Variants in GSAP observed in about 807,000 individuals in gnomAD.
GSAP encodes gamma-secretase-activating protein.
GSAP carries 118 observed loss-of-function variants against 131.7 expected under a neutral mutation model. The observed-to-expected ratio is 0.90, with a 90% CI of 0.77 to 1.04. The LOEUF (loss-of-function observed/expected upper bound fraction) is 1.04, where lower values mean the gene tolerates loss of function less well. Among genes scored for constraint, GSAP ranks in the 50% least tolerant of loss-of-function variants. GSAP has a pLI of 0.00. For synonymous variants in GSAP, 381 were observed against 363.4 expected (o/e 1.05, Z -0.55); for missense variants, 1,019 against 1,013.2 (o/e 1.01, Z -0.08).
At chr7:77,413,627 G>A (rs979572844) in intron 1 of GSAP, among the ~76,000 whole-genome samples, 13 of 152,234 alleles carry the variant, frequency 8.5e-5, no homozygotes, top group African/African-American at 3.1e-4. Flanking sequence ...CATACAGTAT[G>A]TTTAAAGTTC....
chr7:77,387,604 C>A (rs1798768998), intron 5 of GSAP, among the ~76,000 whole-genome samples, 156 bp from the exon 6 acceptor site: 1 of 152,146 alleles, frequency 6.6e-6, no homozygotes, highest in African/African-American at 2.4e-5. Flanking sequence ...TGTGAGGAGA[C>A]TGAAACTGTA....
chr7:77,388,144 GAC>G (rs1798858852), intron 5 of GSAP, among the ~76,000 whole-genome samples: 1 of 152,182 alleles, frequency 6.6e-6, no homozygotes, highest in Admixed American at 6.5e-5. Context: ...ATTCAACAGA[GAC>G]ACAGAAAAGA....
intron 17 of GSAP, 48 bp downstream of exon 17, chr7:77,353,524 C>CA: frequency 7.8e-7 from 1 of 1,277,376 alleles, no homozygotes; most frequent in Non-Finnish European, 1.1e-6. Flanking sequence ...TTCCCTCAAG[C>CA]AAAAAGGTCA....
At chr7:77,350,279 G>C (rs1186582745) in intron 18 of GSAP, among the ~76,000 whole-genome samples, 4 of 81,344 alleles carry the variant, frequency 4.9e-5, no homozygotes, top group Admixed American at 1.5e-4. Flanking sequence ...GTTGTGGGGT[G>C]GGGGGAGGGG....
rs995311283 is a variant in GSAP, at chr7:77,355,197, T to C, written c.1338+16A>G. The C allele has an allele frequency of 4.6e-6, 7 of 1,536,088 alleles. 1 individual carries two copies. Among genetic ancestry groups the C allele is most frequent in the Middle Eastern group, 1.7e-4 (1 of 5,898 alleles). ...TCGTCTATCTGCCCATTTTAAAACA[T>C]GAGCTATCTTCTCACCTGGGCTTCC... On this transcript the variant is annotated intron_variant, in intron 16 of 30. Transcript: ENST00000257626.
intron 26 of GSAP, among the ~76,000 whole-genome samples, chr7:77,317,870 T>C (rs1269048811): frequency 1.3e-5 from 2 of 152,252 alleles, no homozygotes; most frequent in Non-Finnish European, 2.9e-5. Context: ...TTCTAGGGTG[T>C]ACCTCATAAC....
At chr7:77,403,834 A>G (rs1801793823) in intron 3 of GSAP, among the ~76,000 whole-genome samples, 1 of 152,230 alleles carries the variant, frequency 6.6e-6, no homozygotes, top group African/African-American at 2.4e-5. Flanking sequence ...TTTGTTTAGG[A>G]TAACAGGACC....
intron 19 of GSAP, among the ~76,000 whole-genome samples, chr7:77,346,537 CAA>C (rs200707510): frequency 2.0e-4 from 22 of 107,738 alleles, no homozygotes; most frequent in Admixed American, 2.8e-4. Flanking sequence ...CTGTCTCTAC[CAA>C]AAAAAAAAAA....
intron 14 of GSAP, among the ~76,000 whole-genome samples, chr7:77,356,527 A>G (rs1463665116): frequency 6.6e-6 from 1 of 152,196 alleles, no homozygotes; most frequent in African/African-American, 2.4e-5. Flanking sequence ...CATCAGAATA[A>G]TCTCTGCAGA....
chr7:77,354,434 G>A (rs1434789300), intron 16 of GSAP, among the ~76,000 whole-genome samples: 2 of 152,080 alleles, frequency 1.3e-5, no homozygotes, highest in Non-Finnish European at 2.9e-5. Context: ...AACTAAAAAA[G>A]ATTGGGTAAA....
chr7:77,320,640 C>A, intron 26 of GSAP, 85 bp downstream of exon 26: 1 of 808,778 alleles, frequency 1.2e-6, no homozygotes, highest in Non-Finnish European at 2.1e-6. Context: ...GTCTCATCAT[C>A]AAACTTATAA....
intron 12 of GSAP, 50 bp downstream of exon 12, chr7:77,374,020 C>T: frequency 9.8e-7 from 1 of 1,017,320 alleles, no homozygotes; most frequent in South Asian, 1.3e-5. Context: ...TAAATTTTGT[C>T]TAGAACTCAA....
intron 26 of GSAP, chr7:77,316,228 G>T (rs1412557429): frequency 6.6e-6 from 1 of 152,204 alleles, no homozygotes; most frequent in African/African-American, 2.4e-5. Context: ...GAGAGGCATG[G>T]TAACATGTAC....
At chr7:77,373,219 C>T (rs1479796876) in intron 12 of GSAP, among the ~76,000 whole-genome samples, 1 of 152,096 alleles carries the variant, frequency 6.6e-6, no homozygotes, top group African/African-American at 2.4e-5. Flanking sequence ...ACTAAGTGTG[C>T]ACTTATGTAA....
chr7:77,354,764 G>C (rs949774257), intron 16 of GSAP, among the ~76,000 whole-genome samples: 18 of 150,756 alleles, frequency 1.2e-4, no homozygotes, highest in African/African-American at 3.9e-4. Context: ...CAGGATAGCT[G>C]TAAAATAACA....
chr7:77,313,700 C>CT (rs1794666773), intron 27 of GSAP, 151 bp from the exon 28 acceptor site: 2 of 495,908 alleles, frequency 4.0e-6, no homozygotes, highest in African/African-American at 3.9e-5. Context: ...AAATTTTACT[C>CT]TGACTCTCTG....
rs573549528 is a variant in GSAP, at chr7:77,366,185, T to A, written c.872-3525A>T. ...AAATATTTTCTCCCAATTCTGTAGGTCGTTTGGTTTACTCTGTTAGTTTCT... is the reference window on the plus strand; with the variant it reads ...AAATATTTTCTCCCAATTCTGTAGGACGTTTGGTTTACTCTGTTAGTTTCT... On this transcript the variant is annotated intron_variant, in intron 12 of 30. Transcript: ENST00000257626. Among the ~76,000 whole-genome samples the A allele has an allele frequency of 6.6e-4, 100 of 152,046 alleles. 2 individuals carry two copies. The highest frequency in any genetic ancestry group is 3.2e-3 in the Middle Eastern group (1 of 316).
intron 26 of GSAP, among the ~76,000 whole-genome samples, chr7:77,320,461 T>TCTA (rs1451440614): frequency 1.3e-5 from 2 of 152,168 alleles, no homozygotes; most frequent in African/African-American, 4.8e-5. Flanking sequence ...CTGAATTAGT[T>TCTA]CTACTAGTTC....
rs1354505617 is a variant in GSAP, at chr7:77,323,760, A to G, written c.1828-18T>C. On this transcript the variant is annotated intron_variant, in intron 23 of 30. Coordinates refer to ENST00000257626, the MANE Select transcript of GSAP (RefSeq NM_017439.4). Reference sequence around the variant, plus strand: ...GACACCATCTGAAAACAGGATATGCATTAAATAAGTCACAGCCTACCCACT... The same window carrying G: ...GACACCATCTGAAAACAGGATATGCGTTAAATAAGTCACAGCCTACCCACT... 1 of 1,276,218 alleles carries G rather than the reference A, an allele frequency of 7.8e-7. No individual in the cohort carries two copies. The highest frequency in any genetic ancestry group is 1.1e-6 in the Non-Finnish European group (1 of 882,058). The allele number at this position is 1,276,218 out of a possible 1,614,324, so 79.1% of individuals were successfully genotyped here.
Sources: gnomAD v4.1 joint callset for allele counts (sites outside exome capture counted in the v4.1 genomes callset) on GRCh38, gnomAD v4.1.1 for gene constraint, MANE v1.5 for transcripts, NCBI Gene and HGNC (gene_info 2026-07-23, HGNC 2026-07-21) for gene names.